The following ADAMTS9 variants were observed in gnomAD, a reference collection of about 807,000 sequenced individuals.
ADAMTS9 encodes the protein ADAM metallopeptidase with thrombospondin type 1 motif 9.
Under a neutral mutation model 257.1 loss-of-function variants are expected in ADAMTS9, and 107 were observed. That is an observed-to-expected ratio of 0.42 (90% CI 0.36 to 0.49). ADAMTS9 has a LOEUF of 0.49. ADAMTS9 is among the 20% of genes least tolerant of loss of function. The pLI is 0.03. For synonymous variants in ADAMTS9, 982 were observed against 880.9 expected, an observed-to-expected ratio of 1.11 and a Z score of -2.03; for missense variants, 2,353 against 2,469.1, an observed-to-expected ratio of 0.95 and a Z score of 1.00.
At chr3:64,596,639 A>G (rs145718868) in intron 27 of ADAMTS9, among the ~76,000 whole-genome samples, 191 bp downstream of exon 27, 197 of 152,272 alleles carry the variant, frequency 1.3e-3, no homozygotes, top group Non-Finnish European at 2.5e-3. Context: ...TGTGTACCCA[A>G]ACTGTCTCTT....
intron 7 of ADAMTS9, 29 bp downstream of exon 7, chr3:64,654,543 G>A (rs1156362455): frequency 1.2e-6 from 2 of 1,613,216 alleles, no homozygotes; most frequent in African/African-American, 1.3e-5. Context: ...AACGGTTTTA[G>A]CCATAGAAGA....
intron 12 of ADAMTS9, 123 bp downstream of exon 12, chr3:64,641,725 T>C: frequency 7.6e-7 from 1 of 1,319,282 alleles, no homozygotes; most frequent in Non-Finnish European, 1.0e-6. Context: ...AAGCAGCCCT[T>C]GAAGTTTACG....
intron 10 of ADAMTS9, among the ~76,000 whole-genome samples, chr3:64,648,751 T>C (rs1186346281): frequency 6.6e-6 from 1 of 152,216 alleles, no homozygotes; most frequent in African/African-American, 2.4e-5. Flanking sequence ...CTTAAAATTA[T>C]AGCAGGAGCA....
At chr3:64,574,985 G>C (rs1335589338) in intron 28 of ADAMTS9, among the ~76,000 whole-genome samples, 2 of 152,166 alleles carry the variant, frequency 1.3e-5, no homozygotes, top group Non-Finnish European at 2.9e-5. Flanking sequence ...TGCCTGTGAA[G>C]AAAGACACTA....
At chr3:64,677,915 T>C (rs950482613) in intron 3 of ADAMTS9, among the ~76,000 whole-genome samples, 2 of 152,196 alleles carry the variant, frequency 1.3e-5, no homozygotes, top group Non-Finnish European at 2.9e-5. Context: ...TCTAAACCCA[T>C]AAAGTTTTCA....
intron 3 of ADAMTS9, among the ~76,000 whole-genome samples, chr3:64,660,607 A>G (rs185214898): frequency 2.6e-5 from 4 of 152,280 alleles, no homozygotes; most frequent in East Asian, 1.9e-4. Flanking sequence ...AGGTAGCTAT[A>G]TACACACCCC....
chr3:64,545,800 G>A (rs556082897), intron 32 of ADAMTS9, among the ~76,000 whole-genome samples: 7 of 152,238 alleles, frequency 4.6e-5, no homozygotes, highest in Non-Finnish European at 1.0e-4. Context: ...ATGTCACCAT[G>A]TTGGCCAGGC....
At chr3:64,536,470 T>C (rs1005701225) in intron 37 of ADAMTS9, among the ~76,000 whole-genome samples, 1 of 152,324 alleles carries the variant, frequency 6.6e-6, no homozygotes, top group South Asian at 2.1e-4. Flanking sequence ...AAAGATGTGC[T>C]TAGACCAAAG....
In ADAMTS9 at chr3:64,591,311, G is replaced by A. The variant is rs137907638; in HGVS notation, c.4356+2947C>T. On this transcript the variant is annotated intron_variant, in intron 28 of 39. Transcript: ENST00000498707. ...AAAAATTAGCCAGGTGTGGTGGTGGGCACCTATAATCCCGGCTACTTGGGA... is the reference window on the plus strand; with the variant it reads ...AAAAATTAGCCAGGTGTGGTGGTGGACACCTATAATCCCGGCTACTTGGGA... 1.5e-4 allele frequency among the ~76,000 whole-genome samples: 23 copies of A among 151,966 alleles called. No homozygotes were observed. In the East Asian group the frequency reaches 4.5e-3, roughly 30 times the overall value.
chr3:64,529,498 G>A (rs1024749220), intron 38 of ADAMTS9, among the ~76,000 whole-genome samples: 4 of 152,162 alleles, frequency 2.6e-5, no homozygotes, highest in Admixed American at 6.6e-5. Flanking sequence ...GCTGAAACAG[G>A]GCTATTTGGA....
Position 64,686,922 on chromosome 3 carries a change from G to C in ADAMTS9, c.162C>G (p.Ile54Met). ...TLSEYEIVSP[I>M]RVNALGEPFP... ...AGGGTTCTCCGAGAGCGTTCACTCGGATGGGAGACACGATTTCGTATTCGC... is the reference window on the plus strand; with the variant it reads ...AGGGTTCTCCGAGAGCGTTCACTCGCATGGGAGACACGATTTCGTATTCGC... The change falls in exon 2 of 40, where the codon ATC (isoleucine) becomes ATG (methionine). Residue 54 changes from isoleucine (I) to methionine (M), a missense_variant. By Grantham distance (10) the Ile-to-Met change is conservative. Transcript: ENST00000498707. The surrounding 1 kb of genome is among the most constrained non-coding windows in gnomAD (Gnocchi z 4.6). 6.2e-7 allele frequency: 1 copy of C among 1,614,226 alleles called. No homozygotes were observed. The highest frequency in any genetic ancestry group is 8.5e-7 in the Non-Finnish European group (1 of 1,180,046).
Position 64,516,768 on chromosome 3 carries a change from G to A in ADAMTS9, c.*359C>T, listed in dbSNP as rs2082780355. 1.3e-5 allele frequency: 2 copies of A among 152,580 alleles called. No individual in the cohort carries two copies. The highest frequency in any genetic ancestry group is 4.8e-5 in the African/African-American group (2 of 41,432). The allele number at this position is 152,580 out of a possible 1,614,324, so 9.5% of individuals were successfully genotyped here. A position where few individuals can be genotyped will look rare whatever the true frequency, so the allele number is the denominator to read the frequency against. Reference sequence around the variant, plus strand: ...AAGTAACAATAAAACATTTACAGATGAAAAGTAAACAATAGTGTACCGTGA... The same window carrying A: ...AAGTAACAATAAAACATTTACAGATAAAAAGTAAACAATAGTGTACCGTGA... On this transcript the variant is annotated 3_prime_UTR_variant, in exon 40 of 40. Transcript: ENST00000498707.
chr3:64,558,530 G>A (rs1433268718), intron 30 of ADAMTS9, among the ~76,000 whole-genome samples: 1 of 152,100 alleles, frequency 6.6e-6, no homozygotes, highest in Non-Finnish European at 1.5e-5. Context: ...ATCCCTCAAA[G>A]TTGTGCAGTA....
rs780632246 is a variant in ADAMTS9, at chr3:64,649,789, A to G, written c.1464-11T>C. 6.2e-7 allele frequency: 1 copy of G among 1,607,986 alleles called. No individual in the cohort carries two copies. The highest frequency in any genetic ancestry group is 8.5e-7 in the Non-Finnish European group (1 of 1,176,974). ...TCGCCATAACCAGTGCTACGGAAACACACAGAAACACACAGATGGTGAGAA... is the reference window on the plus strand; with the variant it reads ...TCGCCATAACCAGTGCTACGGAAACGCACAGAAACACACAGATGGTGAGAA... On this transcript the variant is annotated splice_polypyrimidine_tract_variant and intron_variant, in intron 9 of 39. Transcript: ENST00000498707.
rs890299536 is a variant in ADAMTS9 at position 64,613,900 on chromosome 3, T to C, written c.3190-391A>G. Among the ~76,000 whole-genome samples, 8 of 152,148 alleles carry C rather than the reference T, an allele frequency of 5.3e-5. No individual in the cohort carries two copies. In the South Asian group the frequency reaches 1.7e-3, roughly 32 times the overall value. On this transcript the variant is annotated intron_variant, in intron 21 of 39. Coordinates refer to ENST00000498707, the MANE Select transcript of ADAMTS9 (RefSeq NM_182920.2). Reference sequence around the variant, plus strand: ...AATTTTCTCATCTGTAAAATGAGAATTAGTGTCTACTGCAAAGGGTTGTGA... The same window carrying C: ...AATTTTCTCATCTGTAAAATGAGAACTAGTGTCTACTGCAAAGGGTTGTGA...
chr3:64,659,311 T>A (rs1284443219), intron 3 of ADAMTS9, among the ~76,000 whole-genome samples: 1 of 151,890 alleles, frequency 6.6e-6, no homozygotes, highest in Admixed American at 6.6e-5. Flanking sequence ...TTACCAAAAA[T>A]ACAAAAATTA....
chr3:64,638,159 C>T (rs1333751590), intron 12 of ADAMTS9, among the ~76,000 whole-genome samples: 1 of 152,138 alleles, frequency 6.6e-6, no homozygotes, highest in Admixed American at 6.5e-5. Context: ...AACCTATCTC[C>T]TAATTTAAAA....
At chr3:64,594,016 A>G (rs912058404) in intron 28 of ADAMTS9, among the ~76,000 whole-genome samples, 6 of 149,776 alleles carry the variant, frequency 4.0e-5, no homozygotes, top group African/African-American at 1.5e-4. Flanking sequence ...TAGGCTAAGA[A>G]AAGGCAGCTA....
intron 39 of ADAMTS9, 87 bp downstream of exon 39, chr3:64,522,079 C>T: frequency 8.7e-7 from 1 of 1,151,806 alleles, no homozygotes; most frequent in Non-Finnish European, 1.3e-6. Flanking sequence ...AACTGTAACC[C>T]TGCCTGATCC....
Sources: gnomAD v4.1 joint callset for allele counts (sites outside exome capture counted in the v4.1 genomes callset) on GRCh38, gnomAD v4.1.1 for gene constraint, Gnocchi (gnomAD v3.1) non-coding constraint, MANE v1.5 for transcripts, NCBI Gene and HGNC (gene_info 2026-07-23, HGNC 2026-07-21) for gene names.